KCNIP1: variants seen among roughly 807,000 people sequenced by gnomAD.
KCNIP1 encodes the protein A-type potassium channel modulatory protein KCNIP1.
Under a neutral mutation model 33.0 loss-of-function variants are expected in KCNIP1, and 18 were observed. That is an observed-to-expected ratio of 0.55 (90% CI 0.38 to 0.81). The LOEUF (loss-of-function observed/expected upper bound fraction) is 0.81, where lower values mean the gene tolerates loss of function less well. KCNIP1 is among the 30% of genes least tolerant of loss of function. KCNIP1 has a pLI of 0.00. For missense variants in KCNIP1, 238 were observed against 271.6 expected, an observed-to-expected ratio of 0.88 and a Z score of 0.87; for synonymous variants, 93 against 98.3, an observed-to-expected ratio of 0.95 and a Z score of 0.32.
intron 1 of KCNIP1, among the ~76,000 whole-genome samples, chr5:170,547,581 G>A (rs756692814): frequency 6.6e-6 from 1 of 152,122 alleles, no homozygotes; most frequent in Non-Finnish European, 1.5e-5. Flanking sequence ...GTGTCCTTGT[G>A]TTCTCATCAT....
At chr5:170,696,250 G>T (rs1762889607) in intron 1 of KCNIP1, among the ~76,000 whole-genome samples, 1 of 152,120 alleles carries the variant, frequency 6.6e-6, no homozygotes, top group South Asian at 2.1e-4. Flanking sequence ...CATAGTCATT[G>T]ATGCCAGTAT....
chr5:170,728,272 T>C (rs1400814301), intron 5 of KCNIP1, among the ~76,000 whole-genome samples: 1 of 152,186 alleles, frequency 6.6e-6, no homozygotes, highest in African/African-American at 2.4e-5. Context: ...GAAGAAAAGA[T>C]GAGGCAAGAA....
chr5:170,536,177 C>T (rs1755977817), intron 1 of KCNIP1, among the ~76,000 whole-genome samples: 1 of 152,230 alleles, frequency 6.6e-6, no homozygotes, highest in South Asian at 2.1e-4. Flanking sequence ...TGACCGGGGT[C>T]ACACAGCAAG....
At chr5:170,652,497 A>AG (rs1581449534) in intron 1 of KCNIP1, among the ~76,000 whole-genome samples, 1 of 80,920 alleles carries the variant, frequency 1.2e-5, no homozygotes, top group Non-Finnish European at 2.2e-5. Flanking sequence ...AAAAAAAAAA[A>AG]AAAGGAAGGA....
chr5:170,691,184 A>G (rs1326996496), intron 1 of KCNIP1, among the ~76,000 whole-genome samples: 1 of 152,216 alleles, frequency 6.6e-6, no homozygotes, highest in Admixed American at 6.5e-5. Context: ...CACTGGCCCC[A>G]AGCCATAACC....
intron 1 of KCNIP1, among the ~76,000 whole-genome samples, chr5:170,562,297 G>A (rs1164384935): frequency 2.0e-5 from 3 of 152,144 alleles, no homozygotes; most frequent in Admixed American, 2.0e-4. Flanking sequence ...AGGGAGCCTA[G>A]GAGTGCACAG....
At chr5:170,694,024 G>A (rs1367442464) in intron 1 of KCNIP1, among the ~76,000 whole-genome samples, 7 of 152,192 alleles carry the variant, frequency 4.6e-5, no homozygotes, top group Non-Finnish European at 1.0e-4. Context: ...TCTTGGCCTG[G>A]CCCCTCCGGG....
Position 170,485,281 on chromosome 5 carries a change from C to CTGGGCCTCTGGTCT in KCNIP1, c.88+131325_88+131338dup, listed in dbSNP as rs543566687. ...TCCCCCTACACAACCCTGGCCTGGC[C>CTGGGCCTCTGGTCT]TGGGCCTCTGGTCTTGGGCCTGGAA... On this transcript the variant is annotated intron_variant, in intron 1 of 7. Transcript: ENST00000377360. Among the ~76,000 whole-genome samples the CTGGGCCTCTGGTCT allele has an allele frequency of 2.3e-4, 35 of 152,338 alleles. No individual in the cohort carries two copies. In the East Asian group the frequency reaches 6.2e-3, roughly 27 times the overall value.
At chr5:170,418,856 G>A (rs1755401960) in intron 1 of KCNIP1, among the ~76,000 whole-genome samples, 1 of 152,128 alleles carries the variant, frequency 6.6e-6, no homozygotes, top group Non-Finnish European at 1.5e-5. Context: ...CCTCAACCCT[G>A]GCTTTCTTGC....
intron 1 of KCNIP1, among the ~76,000 whole-genome samples, chr5:170,617,275 A>G (rs1255259563): frequency 6.6e-6 from 1 of 152,088 alleles, no homozygotes; most frequent in Non-Finnish European, 1.5e-5. Flanking sequence ...GAGAGAAGGC[A>G]TGAAGGCATC....
intron 1 of KCNIP1, among the ~76,000 whole-genome samples, chr5:170,539,942 C>T (rs1332589208): frequency 6.6e-6 from 1 of 152,116 alleles, no homozygotes; most frequent in Non-Finnish European, 1.5e-5. Context: ...AAAAATGTAT[C>T]CTTTCCAGTG....
At chr5:170,729,735 G>T (rs1023483224) in intron 5 of KCNIP1, among the ~76,000 whole-genome samples, 17 of 152,070 alleles carry the variant, frequency 1.1e-4, no homozygotes, top group Non-Finnish European at 1.9e-4. Context: ...TTTGTTGAAG[G>T]TTGGTGGAAA....
intron 1 of KCNIP1, among the ~76,000 whole-genome samples, chr5:170,616,406 G>T (rs764591763): frequency 6.6e-6 from 1 of 152,212 alleles, no homozygotes; most frequent in Non-Finnish European, 1.5e-5. Context: ...CGTAGTTAAG[G>T]TGGATAATGA....
intron 1 of KCNIP1, among the ~76,000 whole-genome samples, chr5:170,713,738 A>G (rs932445423): frequency 2.4e-4 from 36 of 152,278 alleles, no homozygotes; most frequent in African/African-American, 8.7e-4. Flanking sequence ...AGCTAGACGG[A>G]TGGCCGGGTG....
chr5:170,429,022 C>T (rs867873066), intron 1 of KCNIP1, among the ~76,000 whole-genome samples: 45 of 152,180 alleles, frequency 3.0e-4, no homozygotes, highest in African/African-American at 9.9e-4. Flanking sequence ...ACCCGGGAGG[C>T]AGAGGTTGCG....
intron 1 of KCNIP1, among the ~76,000 whole-genome samples, chr5:170,629,451 G>A (rs749873120): frequency 6.9e-4 from 105 of 152,228 alleles, no homozygotes; most frequent in Non-Finnish European, 1.4e-3. Context: ...GAGTTGGTCA[G>A]CAACCAACCA....
chr5:170,484,435 C>A (rs1757040865), intron 1 of KCNIP1, among the ~76,000 whole-genome samples: 1 of 152,130 alleles, frequency 6.6e-6, no homozygotes. Context: ...TGACTCCCAG[C>A]CAGCACGCCC....
intron 1 of KCNIP1, among the ~76,000 whole-genome samples, chr5:170,518,838 C>T (rs958904246): frequency 3.3e-5 from 5 of 152,192 alleles, no homozygotes; most frequent in African/African-American, 7.2e-5. Flanking sequence ...CCTCTCCCAC[C>T]GGCTGCTTCT....
At chr5:170,566,880 G>C (rs1057200149) in intron 1 of KCNIP1, among the ~76,000 whole-genome samples, 1 of 152,230 alleles carries the variant, frequency 6.6e-6, no homozygotes, top group African/African-American at 2.4e-5. Flanking sequence ...CGAGGAATTA[G>C]GAAGAAGGAA....
Sources: allele counts gnomAD v4.1 joint callset (sites outside exome capture counted in the v4.1 genomes callset), GRCh38; gene constraint gnomAD v4.1.1; transcripts MANE v1.5; gene names NCBI Gene and HGNC (gene_info 2026-07-23, HGNC 2026-07-21).